HTR4: variants seen among roughly 807,000 people sequenced by gnomAD.
HTR4 encodes the protein 5-hydroxytryptamine receptor 4, also known as 5-hydroxytryptamine (serotonin) receptor 4, G protein-coupled.
A neutral mutation model predicts 36.8 loss-of-function variants in HTR4; 16 were observed. The ratio of observed to expected loss-of-function variants is 0.43; its 90% CI spans 0.29 to 0.66. The LOEUF (loss-of-function observed/expected upper bound fraction) is 0.66. HTR4 is among the 30% of genes least tolerant of loss of function. The pLI is 0.13. For synonymous variants in HTR4, 189 were observed against 185.1 expected, an observed-to-expected ratio of 1.02 and a Z score of -0.17; for missense variants, 438 against 490.9, an observed-to-expected ratio of 0.89 and a Z score of 1.02.
chr5:148,523,061 T>TA, intron 5 of HTR4, 132 bp downstream of exon 5: 7 of 891,922 alleles, frequency 7.8e-6, no homozygotes, highest in Non-Finnish European at 1.0e-5. Flanking sequence ...AGTGTTAGCT[T>TA]TAAAAAAAAA....
At chr5:148,577,694 A>G (rs1760979214) in intron 2 of HTR4, among the ~76,000 whole-genome samples, 1 of 152,138 alleles carries the variant, frequency 6.6e-6, no homozygotes, top group South Asian at 2.1e-4. Context: ...GGAGGCTATT[A>G]TACTCAGCAA....
intron 5 of HTR4, among the ~76,000 whole-genome samples, chr5:148,515,764 AT>A (rs1757718334): frequency 6.6e-6 from 1 of 151,912 alleles, no homozygotes; most frequent in Non-Finnish European, 1.5e-5. Context: ...ATTTTCAGCA[AT>A]TTTTTAAATG....
rs571739045 is a variant in HTR4 at position 148,548,541 on chromosome 5, G to T, written c.353+127C>A. ...AAGGCTGGAGAATGACTGTATAACT[G>T]AATTATCAAATTTACCTCTCTGAGA... On this transcript the variant is annotated intron_variant, in intron 4 of 6. Coordinates refer to ENST00000377888, the MANE Select transcript of HTR4 (RefSeq NM_000870.7). 1.8e-5 allele frequency: 15 copies of T among 833,680 alleles called. No individual in the cohort carries two copies. The East Asian group carries it at 3.2e-4, about 18-fold the overall frequency. 51.6% of individuals were successfully genotyped at this position (833,680 alleles called of 1,614,324 possible).
At chr5:148,590,060 C>T (rs1218313499) in intron 2 of HTR4, among the ~76,000 whole-genome samples, 2 of 152,056 alleles carry the variant, frequency 1.3e-5, no homozygotes, top group Non-Finnish European at 2.9e-5. Context: ...ATGAGTTTAA[C>T]TTTCAGAAGC....
At chr5:148,635,190 A>T (rs1753487463) in intron 2 of HTR4, among the ~76,000 whole-genome samples, 1 of 152,190 alleles carries the variant, frequency 6.6e-6, no homozygotes, top group South Asian at 2.1e-4. Flanking sequence ...TGATTTTAAA[A>T]TAAAAATATT....
chr5:148,520,839 T>C (rs1581417263), intron 5 of HTR4: 3 of 1,342,084 alleles, frequency 2.2e-6, no homozygotes, highest in Admixed American at 2.0e-5. Context: ...ATTCAAAAAA[T>C]GTCCATGCAG....
At chr5:148,472,486 T>C (rs1272128125), downstream of HTR4, among the ~76,000 whole-genome samples, 1 of 152,164 alleles carries the variant, frequency 6.6e-6, no homozygotes, top group Admixed American at 6.5e-5. Context: ...CTGGTGGTGC[T>C]GGTGATGTTG....
chr5:148,532,270 T>TA (rs1758606633), intron 4 of HTR4, among the ~76,000 whole-genome samples: 1 of 152,076 alleles, frequency 6.6e-6, no homozygotes, highest in Non-Finnish European at 1.5e-5. Flanking sequence ...CCTGTGCCCC[T>TA]AAAAAAGAAA....
At chr5:148,539,666 A>G (rs531381471) in intron 4 of HTR4, among the ~76,000 whole-genome samples, 7 of 152,300 alleles carry the variant, frequency 4.6e-5, no homozygotes, top group South Asian at 4.1e-4. Flanking sequence ...CAAAACCACA[A>G]TGGGATACCA....
At chr5:148,569,740 AG>A (rs1443332543) in intron 2 of HTR4, among the ~76,000 whole-genome samples, 3 of 151,998 alleles carry the variant, frequency 2.0e-5, no homozygotes, top group African/African-American at 7.2e-5. Context: ...AAAACTGAGA[AG>A]AAGAGGGAGA....
chr5:148,595,717 A>G (rs924111811), intron 2 of HTR4, among the ~76,000 whole-genome samples: 1 of 152,186 alleles, frequency 6.6e-6, no homozygotes, highest in Non-Finnish European at 1.5e-5. Context: ...TCCAAATATA[A>G]TGAATAATTC....
intron 5 of HTR4, among the ~76,000 whole-genome samples, chr5:148,453,052 G>A (rs1755011605): frequency 6.6e-6 from 1 of 152,204 alleles, no homozygotes; most frequent in African/African-American, 2.4e-5. Flanking sequence ...GGAAGCTGGA[G>A]GAAGGAAAGG....
At chr5:148,546,330 C>T (rs1420834780) in intron 4 of HTR4, among the ~76,000 whole-genome samples, 3 of 152,128 alleles carry the variant, frequency 2.0e-5, no homozygotes, top group South Asian at 4.1e-4. Flanking sequence ...TGCTATCTCC[C>T]TAAGTTTTAG....
chr5:148,590,980 T>C (rs1761542665), intron 2 of HTR4, among the ~76,000 whole-genome samples: 1 of 152,222 alleles, frequency 6.6e-6, no homozygotes, highest in Non-Finnish European at 1.5e-5. Flanking sequence ...TTTAAGTCTT[T>C]AATCCATATT....
intron 2 of HTR4, among the ~76,000 whole-genome samples, chr5:148,603,269 G>T (rs1284550814): frequency 2.6e-5 from 4 of 152,000 alleles, no homozygotes; most frequent in Admixed American, 2.6e-4. Context: ...AATTCTCCAT[G>T]TTAATAAAGG....
chr5:148,652,876 T>A (rs573968367), intron 1 of HTR4, among the ~76,000 whole-genome samples: 7 of 152,288 alleles, frequency 4.6e-5, no homozygotes, highest in African/African-American at 1.7e-4. Flanking sequence ...ACCTGTTTAC[T>A]TTTTACTAAT....
At chr5:148,483,939 T>A (rs961478062) in intron 6 of HTR4, among the ~76,000 whole-genome samples, 29 of 284 alleles carry the variant, frequency 0.1, no homozygotes, top group Non-Finnish European at 0.14. Context: ...ATTTTATTAT[T>A]TATTTATTTA....
chr5:148,642,705 T>C (rs1021121906), intron 1 of HTR4, among the ~76,000 whole-genome samples: 2 of 152,172 alleles, frequency 1.3e-5, no homozygotes, highest in Non-Finnish European at 2.9e-5. Flanking sequence ...TCGAATCATC[T>C]GAAAACTTGC....
chr5:148,457,724 A>G (rs1037138711), intron 5 of HTR4, among the ~76,000 whole-genome samples: 1 of 145,534 alleles, frequency 6.9e-6, no homozygotes, highest in Non-Finnish European at 1.5e-5. Context: ...TTGATATATC[A>G]TTAAAATATA....
Sources: allele counts gnomAD v4.1 joint callset (sites outside exome capture counted in the v4.1 genomes callset), GRCh38; gene constraint gnomAD v4.1.1; transcripts MANE v1.5; gene names NCBI Gene and HGNC (gene_info 2026-07-23, HGNC 2026-07-21).